Variants in UBE2W observed in about 807,000 individuals in gnomAD.
The protein encoded by UBE2W is ubiquitin-conjugating enzyme E2 W.
Under a neutral mutation model 27.2 loss-of-function variants are expected in UBE2W, and 18 were observed. The observed-to-expected ratio is 0.66, with a 90% CI of 0.46 to 0.98. The LOEUF (loss-of-function observed/expected upper bound fraction) is 0.98. Among genes scored for constraint, UBE2W ranks in the 50% least tolerant of loss-of-function variants. The pLI, the probability that UBE2W is intolerant of heterozygous loss-of-function variation, is 0.00. For synonymous variants in UBE2W, 53 were observed against 57.2 expected (o/e 0.93, Z 0.33); for missense variants, 90 against 180.2 (o/e 0.50, Z 2.87).
Position 73,790,689 on chromosome 8 carries a change from A to G in UBE2W, c.*3413T>C. 1 of 980,100 alleles carries G rather than the reference A, an allele frequency of 1.0e-6. No individual in the cohort carries two copies. The highest frequency in any genetic ancestry group is 1.2e-6 in the Non-Finnish European group (1 of 825,082). The allele number at this position is 980,100 out of a possible 1,614,324, so 60.7% of individuals were successfully genotyped here. A position where few individuals can be genotyped will look rare whatever the true frequency, so the allele number is the denominator to read the frequency against. The stretch of plus-strand genomic sequence containing the variant: ...CTCTTCTCTTCTATTTTTAGGAAGA[A>G]GTTATAACAAGTTTTAAATATCTCA... On this transcript the variant is annotated 3_prime_UTR_variant, in exon 6 of 6. Coordinates refer to ENST00000602593, the MANE Select transcript of UBE2W (RefSeq NM_018299.6).
At chr8:73,781,619 GT>G (rs112691687), downstream of UBE2W, among the ~76,000 whole-genome samples, 58 of 140,884 alleles carry the variant, frequency 4.1e-4, no homozygotes, top group South Asian at 1.1e-3. Flanking sequence ...TCAGGTTTGG[GT>G]TTTTTTTTTT....
chr8:73,796,754 T>C, intron 5 of UBE2W: 1 of 662,646 alleles, frequency 1.5e-6, no homozygotes, highest in African/African-American at 1.9e-5. Flanking sequence ...GCCAAAGCCA[T>C]CGCCATCCTT....
intron 1 of UBE2W, among the ~76,000 whole-genome samples, chr8:73,874,241 C>T (rs1812124002): frequency 6.6e-6 from 1 of 151,762 alleles, no homozygotes; most frequent in East Asian, 1.9e-4. Context: ...ACCATCCTGG[C>T]TAACACAGTG....
At chr8:73,869,904 A>G (rs572026613) in intron 1 of UBE2W, among the ~76,000 whole-genome samples, 1 of 152,202 alleles carries the variant, frequency 6.6e-6, no homozygotes, top group East Asian at 1.9e-4. Flanking sequence ...GCCAGGCACA[A>G]AAGGTCATAT....
intron 1 of UBE2W, among the ~76,000 whole-genome samples, chr8:73,867,185 A>T (rs1444494558): frequency 6.6e-6 from 1 of 151,742 alleles, no homozygotes; most frequent in Non-Finnish European, 1.5e-5. Flanking sequence ...TGGATCACTT[A>T]AGGCCAGGAG....
At chr8:73,844,692 AG>A (rs1440434476) in intron 1 of UBE2W, among the ~76,000 whole-genome samples, 1 of 148,146 alleles carries the variant, frequency 6.8e-6, no homozygotes, top group Admixed American at 6.7e-5. Flanking sequence ...CATCTCGTCT[AG>A]GAAGTGAGGA....
At chr8:73,809,557 C>T (rs1809063285) in intron 4 of UBE2W, among the ~76,000 whole-genome samples, 1 of 152,048 alleles carries the variant, frequency 6.6e-6, no homozygotes, top group South Asian at 2.1e-4. Context: ...TAAAGGGTAT[C>T]CTAAATTTAT....
At position 73,794,026 on chromosome 8, in the gene UBE2W, G is replaced by T. The variant is rs2130843767; in HGVS notation, c.*76C>A. The stretch of plus-strand genomic sequence containing the variant: ...AGGTCACTTCCAGTCAAAGGTTAAA[G>T]TTCAAAGACTGAATGATCAAAGTGC... On this transcript the variant is annotated 3_prime_UTR_variant, in exon 6 of 6. Transcript: ENST00000602593. 6.2e-7 allele frequency: 1 copy of T among 1,602,772 alleles called. No individual in the cohort carries two copies. Among genetic ancestry groups the T allele is most frequent in the South Asian group, 1.1e-5 (1 of 88,516 alleles).
intron 1 of UBE2W, among the ~76,000 whole-genome samples, chr8:73,869,095 A>G (rs1455747001): frequency 3.9e-5 from 6 of 152,348 alleles, no homozygotes; most frequent in South Asian, 2.1e-4. Flanking sequence ...ACGAAAAGGA[A>G]TAAGTATTCA....
intron 1 of UBE2W, among the ~76,000 whole-genome samples, chr8:73,834,969 T>C (rs981188250): frequency 2.6e-5 from 4 of 152,112 alleles, no homozygotes; most frequent in South Asian, 2.1e-4. Flanking sequence ...CCAAAGATAA[T>C]AGAACCCTTT....
At chr8:73,834,950 A>G (rs1420725181) in intron 1 of UBE2W, among the ~76,000 whole-genome samples, 14 of 152,084 alleles carry the variant, frequency 9.2e-5, no homozygotes, top group Admixed American at 9.2e-4. Context: ...AACAACAAAA[A>G]AGAGGTTTCC....
Position 73,786,359 on chromosome 8 carries a change from G to A in UBE2W, c.*7743C>T. ...ATAGCTAGCACCTAAGTTTCTTTGA[G>A]AAAGCTAGGATAAAAATACAAGCAT... On this transcript the variant is annotated 3_prime_UTR_variant, in exon 6 of 6. Coordinates refer to ENST00000602593, the MANE Select transcript of UBE2W (RefSeq NM_018299.6). The A allele has an allele frequency of 1.0e-6, 1 of 985,410 alleles. No homozygotes were observed. The highest frequency in any genetic ancestry group is 4.7e-5 in the South Asian group (1 of 21,292). The allele number at this position is 985,410 out of a possible 1,614,324, so 61.0% of individuals were successfully genotyped here.
At chr8:73,864,170 G>A (rs928536661) in intron 1 of UBE2W, among the ~76,000 whole-genome samples, 3 of 152,206 alleles carry the variant, frequency 2.0e-5, no homozygotes, top group African/African-American at 7.2e-5. Flanking sequence ...GAGACAGGCA[G>A]ATTGCTTGAG....
intron 3 of UBE2W, among the ~76,000 whole-genome samples, chr8:73,811,472 G>A (rs1423147246): frequency 1.3e-5 from 2 of 152,084 alleles, no homozygotes; most frequent in African/African-American, 4.8e-5. Context: ...GTCCAAAGTT[G>A]CTCGAAGAAA....
chr8:73,820,418 T>A (rs1407509914), intron 3 of UBE2W, among the ~76,000 whole-genome samples: 1 of 152,138 alleles, frequency 6.6e-6, no homozygotes, highest in Non-Finnish European at 1.5e-5. Context: ...ACAACCTCTA[T>A]GCCATGTGAG....
intron 1 of UBE2W, among the ~76,000 whole-genome samples, chr8:73,842,269 C>G (rs1172048015): frequency 2.0e-5 from 3 of 152,056 alleles, no homozygotes; most frequent in Admixed American, 2.0e-4. Flanking sequence ...TGGCTCACAC[C>G]TGTAATTCCA....
chr8:73,782,351 G>T (rs924233002), downstream of UBE2W, among the ~76,000 whole-genome samples: 12 of 152,046 alleles, frequency 7.9e-5, no homozygotes, highest in African/African-American at 2.7e-4. Context: ...AGACAATCAA[G>T]ATAATGAACA....
intron 4 of UBE2W, among the ~76,000 whole-genome samples, chr8:73,808,132 A>G (rs1254190228): frequency 6.6e-6 from 1 of 152,258 alleles, no homozygotes; most frequent in East Asian, 1.9e-4. Context: ...AATATTTAAT[A>G]GTAGTAGAAT....
intron 1 of UBE2W, among the ~76,000 whole-genome samples, chr8:73,867,470 A>T (rs1185169584): frequency 6.7e-6 from 1 of 148,752 alleles, no homozygotes; most frequent in Non-Finnish European, 1.5e-5. Flanking sequence ...GGGAGGCAGA[A>T]GTTGCAGTGA....
Sources: gnomAD v4.1 joint callset for allele counts (sites outside exome capture counted in the v4.1 genomes callset) on GRCh38, gnomAD v4.1.1 for gene constraint, MANE v1.5 for transcripts, NCBI Gene and HGNC (gene_info 2026-07-23, HGNC 2026-07-21) for gene names.